Variants in MYO16 observed in about 807,000 individuals in gnomAD.
MYO16 encodes myosin XVI.
A neutral mutation model predicts 205.3 loss-of-function variants in MYO16; 94 were observed. The ratio of observed to expected loss-of-function variants is 0.46; its 90% CI spans 0.39 to 0.54. The LOEUF (loss-of-function observed/expected upper bound fraction) is 0.54, where lower values mean the gene tolerates loss of function less well. Among genes scored for constraint, MYO16 ranks in the 20% least tolerant of loss-of-function variants. The pLI is 0.00. For synonymous variants in MYO16, 988 were observed against 954.0 expected (o/e 1.04, Z -0.66); for missense variants, 2,315 against 2,387.5 (o/e 0.97, Z 0.63).
At chr13:108,778,860 G>T (rs2138902941) in intron 4 of MYO16, among the ~76,000 whole-genome samples, 1 of 152,246 alleles carries the variant, frequency 6.6e-6, no homozygotes, top group South Asian at 2.1e-4. Context: ...GAACCTCTCT[G>T]GTTCTCCTAT....
At chr13:109,031,252 C>T (rs1297692841) in intron 23 of MYO16, among the ~76,000 whole-genome samples, 3 of 151,964 alleles carry the variant, frequency 2.0e-5, no homozygotes, top group Admixed American at 2.0e-4. Context: ...CCACCACACC[C>T]GGCTGATTTT....
At chr13:108,645,473 A>C (rs1186947616) in intron 1 of MYO16, among the ~76,000 whole-genome samples, 1 of 152,150 alleles carries the variant, frequency 6.6e-6, no homozygotes, top group East Asian at 1.9e-4. Flanking sequence ...GATTCCTAAC[A>C]TTCAGAGAAC....
At chr13:109,171,000 A>T (rs1222095999) in intron 33 of MYO16, among the ~76,000 whole-genome samples, 1 of 152,232 alleles carries the variant, frequency 6.6e-6, no homozygotes, top group Non-Finnish European at 1.5e-5. Flanking sequence ...TTTCAATTGG[A>T]AATTCAATCT....
chr13:109,022,947 A>G lies in MYO16; in HGVS notation c.2796+3036A>G, dbSNP rs936509993. Among the ~76,000 whole-genome samples the G allele has an allele frequency of 1.1e-3, 150 of 135,036 alleles. 1 individual carries two copies. The highest frequency in any genetic ancestry group is 4.0e-3 in the African/African-American group (148 of 36,840). 88.6% of individuals were successfully genotyped at this position (135,036 alleles called of 152,430 possible). Reference sequence around the variant, plus strand: ...ATTATATACACATGTAAATATATGTATACATTTATATATTATATATACACG... The same window carrying G: ...ATTATATACACATGTAAATATATGTGTACATTTATATATTATATATACACG... On this transcript the variant is annotated intron_variant, in intron 23 of 34. Coordinates refer to ENST00000457511, the MANE Select transcript of MYO16 (RefSeq NM_001198950.3).
At chr13:108,650,927 A>G (rs1467248170) in intron 1 of MYO16, among the ~76,000 whole-genome samples, 2 of 152,214 alleles carry the variant, frequency 1.3e-5, no homozygotes, top group African/African-American at 4.8e-5. Flanking sequence ...TTGTCATCTG[A>G]TAAGTCAGTA....
In MYO16 at chr13:109,055,834, C is replaced by G. The variant is rs1450330956; in HGVS notation, c.3335+239C>G. The G allele has an allele frequency of 2.7e-6, 1 of 374,008 alleles. No individual in the cohort carries two copies. Among genetic ancestry groups the G allele is most frequent in the Non-Finnish European group, 4.8e-6 (1 of 207,968 alleles). 23.2% of individuals were successfully genotyped at this position (374,008 alleles called of 1,614,324 possible). On this transcript the variant is annotated intron_variant, in intron 27 of 34. Transcript: ENST00000457511. This position sits in a 1 kb window ranked among gnomAD's most constrained non-coding sequence, Gnocchi z 5.0. Reference sequence around the variant, plus strand: ...GTATCTTGGAAACCATTCTCATGTTCCTTTCAAAGTGTGGCTTTCCTTGGA... The same window carrying G: ...GTATCTTGGAAACCATTCTCATGTTGCTTTCAAAGTGTGGCTTTCCTTGGA...
chr13:108,819,994 AACTT>A (rs1875876156), intron 7 of MYO16, among the ~76,000 whole-genome samples: 1 of 152,208 alleles, frequency 6.6e-6, no homozygotes, highest in African/African-American at 2.4e-5. Flanking sequence ...CATTCAGTGT[AACTT>A]ACTTTAAAAT....
At chr13:108,768,610 C>A (rs756746785) in intron 4 of MYO16, among the ~76,000 whole-genome samples, 96 of 152,082 alleles carry the variant, frequency 6.3e-4, no homozygotes, top group Non-Finnish European at 8.4e-4. Flanking sequence ...TGCTAACATG[C>A]CCCAAAACCT....
chr13:108,822,969 T>G (rs1485956198), intron 8 of MYO16, among the ~76,000 whole-genome samples, 156 bp from the exon 9 acceptor site: 1 of 152,212 alleles, frequency 6.6e-6, no homozygotes, highest in African/African-American at 2.4e-5. Context: ...AGTACTTCAA[T>G]TTTATCCCAG....
chr13:108,978,627 G>A (rs907395900), intron 20 of MYO16, among the ~76,000 whole-genome samples: 55 of 151,380 alleles, frequency 3.6e-4, no homozygotes, highest in East Asian at 5.8e-4. Flanking sequence ...ATTTATGTTC[G>A]CATTTATTTT....
chr13:109,092,183 A>G (rs1364048650), intron 27 of MYO16, among the ~76,000 whole-genome samples: 1 of 152,252 alleles, frequency 6.6e-6, no homozygotes, highest in Non-Finnish European at 1.5e-5. Flanking sequence ...TTTAACAAAC[A>G]AAGACATTTT....
At position 108,749,791 on chromosome 13, in the gene MYO16, G is replaced by C. The variant is rs368822477; in HGVS notation, c.507+22208G>C. ...TGTTCCCGGGTTTTTACACAAATGAGTTGAAAACTTATGGCCATTTAAAAG... is the reference window on the plus strand; with the variant it reads ...TGTTCCCGGGTTTTTACACAAATGACTTGAAAACTTATGGCCATTTAAAAG... On this transcript the variant is annotated intron_variant, in intron 4 of 34. Coordinates refer to ENST00000457511, the MANE Select transcript of MYO16 (RefSeq NM_001198950.3). Among the ~76,000 whole-genome samples the C allele has an allele frequency of 3.3e-5, 5 of 152,170 alleles. No individual in the cohort carries two copies. The East Asian group carries it at 5.8e-4, about 18-fold the overall frequency.
intron 21 of MYO16, among the ~76,000 whole-genome samples, chr13:109,002,291 C>A (rs1885242920): frequency 6.6e-6 from 1 of 152,130 alleles, no homozygotes; most frequent in African/African-American, 2.4e-5. Context: ...ATGCCATGCT[C>A]TATTATATTT....
At chr13:108,984,848 G>C (rs932104317) in intron 20 of MYO16, among the ~76,000 whole-genome samples, 1 of 152,078 alleles carries the variant, frequency 6.6e-6, no homozygotes, top group African/African-American at 2.4e-5. Flanking sequence ...TCCTTTTGTG[G>C]CATGAGATCT....
chr13:109,104,547 C>T (rs1046507983), intron 28 of MYO16, among the ~76,000 whole-genome samples: 2 of 151,846 alleles, frequency 1.3e-5, no homozygotes, highest in East Asian at 1.9e-4. Flanking sequence ...GGAAAGGAGA[C>T]GATAGAGAAG....
At chr13:109,002,315 GT>G (rs760187358) in intron 21 of MYO16, among the ~76,000 whole-genome samples, 2 of 152,150 alleles carry the variant, frequency 1.3e-5, no homozygotes, top group Non-Finnish European at 2.9e-5. Context: ...TTTCAGATAT[GT>G]TTCACTGAGT....
intron 3 of MYO16, among the ~76,000 whole-genome samples, chr13:108,718,826 G>T (rs573875692): frequency 1.3e-5 from 2 of 152,252 alleles, no homozygotes; most frequent in African/African-American, 4.8e-5. Context: ...TAGATCATTA[G>T]TGAGATATCC....
At chr13:108,953,742 G>GT (rs983107815) in intron 16 of MYO16, among the ~76,000 whole-genome samples, 21 of 151,868 alleles carry the variant, frequency 1.4e-4, no homozygotes, top group African/African-American at 4.4e-4. Context: ...TAAACATGTA[G>GT]TTTTTTTAAT....
intron 33 of MYO16, among the ~76,000 whole-genome samples, chr13:109,168,327 A>T (rs1037559061): frequency 6.6e-6 from 1 of 152,236 alleles, no homozygotes; most frequent in African/African-American, 2.4e-5. Context: ...GTAAAACATA[A>T]GGATTCTGAA....
Sources: gnomAD v4.1 joint callset for allele counts (sites outside exome capture counted in the v4.1 genomes callset) on GRCh38, gnomAD v4.1.1 for gene constraint, Gnocchi (gnomAD v3.1) non-coding constraint, MANE v1.5 for transcripts, NCBI Gene and HGNC (gene_info 2026-07-23, HGNC 2026-07-21) for gene names.